ARHGEF4: variants seen among roughly 807,000 people sequenced by gnomAD.
ARHGEF4 encodes the protein APC-stimulated guanine nucleotide exchange factor 1.
Under a neutral mutation model 162.0 loss-of-function variants are expected in ARHGEF4, and 119 were observed. The observed-to-expected ratio is 0.73, with a 90% CI of 0.63 to 0.86. The LOEUF (loss-of-function observed/expected upper bound fraction) is 0.86, where lower values mean the gene tolerates loss of function less well. ARHGEF4 is among the 40% of genes least tolerant of loss of function. The probability of loss-of-function intolerance (pLI) is 0.00; values close to 1 mark genes in which losing one functional copy is unlikely to be tolerated. For synonymous variants in ARHGEF4, 1,014 were observed against 979.9 expected, an observed-to-expected ratio of 1.03 and a Z score of -0.65; for missense variants, 2,488 against 2,456.0, an observed-to-expected ratio of 1.01 and a Z score of -0.28.
At chr2:130,905,109 ATT>A (rs35754721) in intron 1 of ARHGEF4, among the ~76,000 whole-genome samples, 112 of 151,938 alleles carry the variant, frequency 7.4e-4, no homozygotes, top group East Asian at 2.9e-3. Flanking sequence ...AGTATTATTT[ATT>A]TTTTTTTATT....
intron 5 of ARHGEF4, among the ~76,000 whole-genome samples, chr2:131,031,753 C>A (rs752418093): frequency 2.0e-5 from 3 of 152,352 alleles, no homozygotes; most frequent in Middle Eastern, 3.4e-3. Context: ...GGGCCTACCC[C>A]CAAGGCCATG....
chr2:130,988,868 GTGTGTATATATA>G (rs1179442196), intron 4 of ARHGEF4, among the ~76,000 whole-genome samples: 1 of 20,766 alleles, frequency 4.8e-5, no homozygotes, highest in East Asian at 2.6e-3. Context: ...GTGTGTGTGT[GTGTGTATATATA>G]TATATATATA....
intron 1 of ARHGEF4, among the ~76,000 whole-genome samples, chr2:130,909,473 C>T (rs538197120): frequency 6.6e-6 from 1 of 152,114 alleles, no homozygotes; most frequent in South Asian, 2.1e-4. Flanking sequence ...AGGCAAAAAG[C>T]AGATAAAGGT....
chr2:130,907,468 C>T lies in ARHGEF4; in HGVS notation c.40-6518C>T, dbSNP rs371774619. 1.1e-4 allele frequency among the ~76,000 whole-genome samples: 17 copies of T among 151,786 alleles called. 1 individual carries two copies. Among genetic ancestry groups the T allele is most frequent in the Middle Eastern group, 3.4e-3 (1 of 294 alleles). On this transcript the variant is annotated intron_variant, in intron 1 of 13. Coordinates refer to ENST00000409359, the MANE Select transcript of ARHGEF4 (RefSeq NM_001367493.1). ...TCCTGACCTCGTGATCCGCCCACCT[C>T]AGCGTCCCAAAGTGCTGGGATTACA...
chr2:130,904,185 T>G (rs1680677841), intron 1 of ARHGEF4, among the ~76,000 whole-genome samples: 1 of 152,180 alleles, frequency 6.6e-6, no homozygotes, highest in South Asian at 2.1e-4. Context: ...CAAGTGTTAT[T>G]CCTGGCTTCT....
chr2:130,928,554 G>A (rs996059345), intron 2 of ARHGEF4, among the ~76,000 whole-genome samples: 1 of 152,140 alleles, frequency 6.6e-6, no homozygotes, highest in African/African-American at 2.4e-5. Context: ...ACACAGTCAC[G>A]TGGCTGACTG....
At chr2:130,847,267 T>C (rs1269748334) in intron 1 of ARHGEF4, among the ~76,000 whole-genome samples, 1 of 152,144 alleles carries the variant, frequency 6.6e-6, no homozygotes, top group African/African-American at 2.4e-5. Context: ...TGGGTGATAT[T>C]AGTGACCAGG....
chr2:130,999,419 G>A (rs1194780182), intron 4 of ARHGEF4, among the ~76,000 whole-genome samples: 1 of 152,072 alleles, frequency 6.6e-6, no homozygotes, highest in Non-Finnish European at 1.5e-5. Flanking sequence ...GCCTCCCAAA[G>A]TGCTGGGATT....
chr2:130,937,555 A>G (rs1417593924), intron 3 of ARHGEF4, among the ~76,000 whole-genome samples: 2 of 152,094 alleles, frequency 1.3e-5, no homozygotes, highest in Non-Finnish European at 2.9e-5. Context: ...TATTTAAAAC[A>G]GTTGATTAGA....
rs1424081430 is a variant in ARHGEF4 at position 130,917,324 on chromosome 2, G to A, written c.3378G>A (p.Val1126=). ...TTTCTCTTGGAAGCTACAGCTACGT[G>A]GACAGCAGTTCAGGGGACCCTGAAA... ...SMVSLGSYSY[V]DSSSGDPERP... The change falls in exon 2 of 14, where the codon GTG becomes GTA. Residue 1126 remains valine (V), a synonymous_variant. Transcript: ENST00000409359. 1 of 1,550,558 alleles carries A rather than the reference G, an allele frequency of 6.4e-7. No individual in the cohort carries two copies. The highest frequency in any genetic ancestry group is 8.7e-7 in the Non-Finnish European group (1 of 1,146,998).
At position 130,928,691 on chromosome 2, in the gene ARHGEF4, T is replaced by C. The variant is rs181220601; in HGVS notation, c.3553-2261T>C. ...GCTTCCTGTGCTCTGCAGCACCATC[T>C]ACCCCTCCTACATCTACTTTACCCT... On this transcript the variant is annotated intron_variant, in intron 2 of 13. Coordinates refer to ENST00000409359, the MANE Select transcript of ARHGEF4 (RefSeq NM_001367493.1). 1.4e-3 allele frequency among the ~76,000 whole-genome samples: 219 copies of C among 152,348 alleles called. 1 individual carries two copies. The highest frequency in any genetic ancestry group is 5.1e-3 in the African/African-American group (212 of 41,584).
At chr2:130,968,640 C>A (rs907490778) in intron 4 of ARHGEF4, among the ~76,000 whole-genome samples, 1 of 152,214 alleles carries the variant, frequency 6.6e-6, no homozygotes, top group African/African-American at 2.4e-5. Flanking sequence ...GAACTATTGG[C>A]CAGGCACAGT....
intron 4 of ARHGEF4, among the ~76,000 whole-genome samples, chr2:130,974,226 C>G (rs1685547538): frequency 6.8e-6 from 1 of 147,320 alleles, no homozygotes. Flanking sequence ...GAGCCGAGAT[C>G]ACACCACTGC....
intron 7 of ARHGEF4, 29 bp downstream of exon 7, chr2:131,040,221 G>A: frequency 6.2e-7 from 1 of 1,609,394 alleles, no homozygotes. Context: ...GCGGTGACTG[G>A]GGACCCGGTC....
At chr2:130,891,057 C>A (rs1257382132) in intron 1 of ARHGEF4, among the ~76,000 whole-genome samples, 2 of 152,066 alleles carry the variant, frequency 1.3e-5, no homozygotes, top group Non-Finnish European at 2.9e-5. Flanking sequence ...CCTCACAGAG[C>A]CCTCTCCACA....
rs1231579662 is a variant in ARHGEF4, at chr2:130,916,888, C to T, written c.2942C>T (p.Pro981Leu). 5 of 1,550,484 alleles carry T rather than the reference C, an allele frequency of 3.2e-6. No individual in the cohort carries two copies. Among genetic ancestry groups the T allele is most frequent in the Middle Eastern group, 1.7e-4 (1 of 5,992 alleles). Residue 981 changes from proline (P) to leucine (L), a missense_variant, in exon 2 of 14, where the codon CCA (proline) becomes CTA (leucine). By Grantham distance (98) the Pro-to-Leu change is moderately conservative. This residue lies in a region of ARHGEF4 where 1,642 missense variants were observed against 1,481.5 expected (regional missense o/e 1.11). Transcript: ENST00000409359. ...CCTCTAGGACCCGAAGTTCTCTCCC[C>T]AGCAGAGACCGACAGCCACTGTGAG... ...SLPLGPEVLSPAETDSHCEER... is the reference protein window; with the variant it reads ...SLPLGPEVLSLAETDSHCEER...
chr2:130,954,806 G>A (rs1417161093), intron 4 of ARHGEF4, among the ~76,000 whole-genome samples: 2 of 152,232 alleles, frequency 1.3e-5, no homozygotes, highest in East Asian at 3.9e-4. Context: ...AGTTTCCTGG[G>A]TGTGTAGGTT....
At chr2:130,925,292 T>C (rs530557221) in intron 2 of ARHGEF4, among the ~76,000 whole-genome samples, 1 of 152,186 alleles carries the variant, frequency 6.6e-6, no homozygotes, top group Admixed American at 6.5e-5. Flanking sequence ...GAAAATTACA[T>C]AGAGTAATGG....
At chr2:130,924,005 C>T (rs571114759) in intron 2 of ARHGEF4, among the ~76,000 whole-genome samples, 2 of 151,846 alleles carry the variant, frequency 1.3e-5, no homozygotes, top group South Asian at 2.1e-4. Context: ...CTCAGCCTCC[C>T]GAGTAGCTGG....
Sources: gnomAD v4.1 joint callset for allele counts (sites outside exome capture counted in the v4.1 genomes callset) on GRCh38, gnomAD v4.1.1 for gene constraint, gnomAD v4.1.1 regional missense constraint, MANE v1.5 for transcripts, NCBI Gene and HGNC (gene_info 2026-07-23, HGNC 2026-07-21) for gene names.